Variants in SSBP2 observed in about 807,000 individuals in gnomAD.
SSBP2 encodes single-stranded DNA-binding protein 2.
Under a neutral mutation model 61.8 loss-of-function variants are expected in SSBP2, and 17 were observed. That is an observed-to-expected ratio of 0.28 (90% CI 0.19 to 0.41). SSBP2 has a LOEUF of 0.41. Among genes scored for constraint, SSBP2 ranks in the 10% least tolerant of loss-of-function variants. The pLI, the probability that SSBP2 is intolerant of heterozygous loss-of-function variation, is 1.00. For synonymous variants in SSBP2, 139 were observed against 141.3 expected (o/e 0.98, Z 0.12); for missense variants, 310 against 458.7 (o/e 0.68, Z 2.96).
At chr5:81,551,255 T>C (rs914032772) in intron 4 of SSBP2, among the ~76,000 whole-genome samples, 4 of 152,166 alleles carry the variant, frequency 2.6e-5, no homozygotes, top group African/African-American at 9.7e-5. Flanking sequence ...ACATTTGGTT[T>C]TGGGAATTAG....
At chr5:81,659,281 C>CA (rs1178908004) in intron 1 of SSBP2, among the ~76,000 whole-genome samples, 1 of 152,042 alleles carries the variant, frequency 6.6e-6, no homozygotes, top group Non-Finnish European at 1.5e-5. Context: ...TGTCTCAGCC[C>CA]AAAAAATCCT....
intron 4 of SSBP2, among the ~76,000 whole-genome samples, chr5:81,563,791 A>G (rs1041793183): frequency 6.6e-6 from 1 of 152,178 alleles, no homozygotes; most frequent in African/African-American, 2.4e-5. Flanking sequence ...CCATAAAACT[A>G]CTAGAGAAAC....
chr5:81,505,925 C>T (rs538133716), intron 5 of SSBP2, among the ~76,000 whole-genome samples: 1 of 152,222 alleles, frequency 6.6e-6, no homozygotes, highest in South Asian at 2.1e-4. Flanking sequence ...AACTGGAAAA[C>T]CCAAGTAAAG....
chr5:81,499,243 TAAAGC>T (rs1380482612), intron 5 of SSBP2, among the ~76,000 whole-genome samples: 3 of 152,204 alleles, frequency 2.0e-5, no homozygotes, highest in Non-Finnish European at 4.4e-5. Flanking sequence ...AAAATAACTG[TAAAGC>T]AATGACAGAT....
intron 4 of SSBP2, among the ~76,000 whole-genome samples, chr5:81,601,541 T>C (rs1260988518): frequency 3.3e-5 from 5 of 152,120 alleles, no homozygotes; most frequent in Admixed American, 6.6e-5. Context: ...TATTTTACCA[T>C]TGGGGGAACT....
At chr5:81,600,247 T>C (rs1364630154) in intron 4 of SSBP2, among the ~76,000 whole-genome samples, 2 of 152,088 alleles carry the variant, frequency 1.3e-5, no homozygotes, top group Non-Finnish European at 2.9e-5. Context: ...TTTACAAAGC[T>C]AAAGATCCTA....
At chr5:81,595,653 G>A (rs1743655423) in intron 4 of SSBP2, among the ~76,000 whole-genome samples, 1 of 152,088 alleles carries the variant, frequency 6.6e-6, no homozygotes, top group South Asian at 2.1e-4. Flanking sequence ...ATGATCAAGT[G>A]GGCTTCATCC....
At position 81,515,654 on chromosome 5, in the gene SSBP2, TCA is replaced by T. The variant is rs1174062827; in HGVS notation, c.283-1939_283-1938del. ...ATGCTGGTAAAGAAACATGTAAAAT[TCA>T]CAGTTAAATATTTGACTAATTGCTT... On this transcript the variant is annotated intron_variant, in intron 4 of 16. Transcript: ENST00000320672. Among the ~76,000 whole-genome samples, 5 of 151,852 alleles carry T rather than the reference TCA, an allele frequency of 3.3e-5. No homozygotes were observed. The East Asian group carries it at 9.7e-4, about 29-fold the overall frequency.
intron 4 of SSBP2, among the ~76,000 whole-genome samples, chr5:81,537,396 G>C (rs1770891247): frequency 6.6e-6 from 1 of 152,086 alleles, no homozygotes; most frequent in African/African-American, 2.4e-5. Flanking sequence ...CTTAACTCTA[G>C]AAAGACATTT....
intron 4 of SSBP2, among the ~76,000 whole-genome samples, chr5:81,554,262 TCTC>T (rs1772424654): frequency 6.6e-6 from 1 of 152,036 alleles, no homozygotes; most frequent in East Asian, 1.9e-4. Context: ...TTCTACCACT[TCTC>T]CTTAAAAAAT....
upstream of SSBP2, chr5:81,751,587 G>A (rs1561761673): frequency 2.5e-5 from 4 of 160,052 alleles, no homozygotes; most frequent in Admixed American, 6.0e-5. Flanking sequence ...CCACGACAGA[G>A]CCACGGCCTC....
At chr5:81,469,739 T>C (rs1401501088) in intron 8 of SSBP2, among the ~76,000 whole-genome samples, 1 of 151,944 alleles carries the variant, frequency 6.6e-6, no homozygotes, top group Non-Finnish European at 1.5e-5. Flanking sequence ...CTTGATAGAT[T>C]TGCAAAATAT....
Position 81,437,465 on chromosome 5 carries a change from C to A in SSBP2, c.929-7G>T. ...CTGTCCATATCTCCTGAGCCTGAAA[C>A]AAAATATAAAAAGAAAGCCTTTATT... is the stretch of plus-strand genomic sequence containing the variant. On this transcript the variant is annotated splice_region_variant and splice_polypyrimidine_tract_variant and intron_variant, in intron 14 of 16. Coordinates refer to ENST00000320672, the MANE Select transcript of SSBP2 (RefSeq NM_012446.5). 1 of 1,602,280 alleles carries A rather than the reference C, an allele frequency of 6.2e-7. No individual in the cohort carries two copies. Among genetic ancestry groups the A allele is most frequent in the South Asian group, 1.1e-5 (1 of 88,074 alleles).
At chr5:81,554,651 ATATT>A (rs1472098452) in intron 4 of SSBP2, among the ~76,000 whole-genome samples, 3 of 151,908 alleles carry the variant, frequency 2.0e-5, no homozygotes, top group Non-Finnish European at 2.9e-5. Flanking sequence ...TTTTTGACTT[ATATT>A]TAAAGGACAA....
At chr5:81,710,307 G>A (rs56663562) in intron 1 of SSBP2, among the ~76,000 whole-genome samples, 4,748 of 152,086 alleles carry the variant, frequency 0.031, 236 homozygotes, top group African/African-American at 0.11. Flanking sequence ...AGTGTTTTCT[G>A]ATGTTCTATC....
At chr5:81,629,053 C>T (rs1035841159) in intron 3 of SSBP2, among the ~76,000 whole-genome samples, 22 of 152,156 alleles carry the variant, frequency 1.4e-4, no homozygotes, top group African/African-American at 5.1e-4. Flanking sequence ...GTGGTGCAAT[C>T]TCAGCTCACT....
chr5:81,737,476 G>T (rs1447333594), intron 1 of SSBP2, among the ~76,000 whole-genome samples: 1 of 151,890 alleles, frequency 6.6e-6, no homozygotes, highest in African/African-American at 2.4e-5. Context: ...GTCACAGATG[G>T]TTTCTTAAAA....
At chr5:81,474,038 T>A (rs1329888997) in intron 7 of SSBP2, among the ~76,000 whole-genome samples, 5 of 152,342 alleles carry the variant, frequency 3.3e-5, no homozygotes, top group Non-Finnish European at 7.4e-5. Context: ...AACAGTACAA[T>A]AGAGCATTAC....
intron 2 of SSBP2, among the ~76,000 whole-genome samples, chr5:81,646,208 C>T (rs1749251346): frequency 6.6e-6 from 1 of 152,134 alleles, no homozygotes; most frequent in Non-Finnish European, 1.5e-5. Flanking sequence ...TTCAGAAGAG[C>T]TCATTAACAT....
Sources: allele counts gnomAD v4.1 joint callset (sites outside exome capture counted in the v4.1 genomes callset), GRCh38; gene constraint gnomAD v4.1.1; transcripts MANE v1.5; gene names NCBI Gene and HGNC (gene_info 2026-07-23, HGNC 2026-07-21).